The following DAPK2 variants were observed in gnomAD, a reference collection of about 807,000 sequenced individuals.
DAPK2 encodes death associated protein kinase 2.
DAPK2 carries 35 observed loss-of-function variants against 44.1 expected under a neutral mutation model. The observed-to-expected ratio is 0.79, with a 90% CI of 0.61 to 1.05. DAPK2 has a LOEUF of 1.05. DAPK2 is among the 50% of genes least tolerant of loss of function. The pLI is 0.00. For synonymous variants in DAPK2, 174 were observed against 182.6 expected (o/e 0.95, Z 0.38); for missense variants, 453 against 483.2 (o/e 0.94, Z 0.59).
intron 3 of DAPK2, chr15:63,942,226 A>G: frequency 1.0e-6 from 1 of 985,388 alleles, no homozygotes; most frequent in South Asian, 4.7e-5. Context: ...CACACAGTCC[A>G]GGAGAGATGG....
chr15:63,965,551 T>TC (rs1317474617), intron 3 of DAPK2, among the ~76,000 whole-genome samples: 3 of 151,968 alleles, frequency 2.0e-5, no homozygotes, highest in African/African-American at 4.8e-5. Context: ...GTGGTGAGCT[T>TC]CCCCCCCTTG....
chr15:64,045,370 T>C (rs1333604669), intron 1 of DAPK2, among the ~76,000 whole-genome samples: 1 of 152,130 alleles, frequency 6.6e-6, no homozygotes, highest in Non-Finnish European at 1.5e-5. Context: ...CACCACGGCC[T>C]CTTAGGTCAA....
chr15:64,018,231 T>C (rs186362256), intron 1 of DAPK2, among the ~76,000 whole-genome samples: 1 of 152,106 alleles, frequency 6.6e-6, no homozygotes, highest in Non-Finnish European at 1.5e-5. Context: ...CATTCTCAAA[T>C]GACGGTTTGC....
chr15:63,984,276 G>A (rs924523270), intron 1 of DAPK2, among the ~76,000 whole-genome samples: 17 of 152,192 alleles, frequency 1.1e-4, no homozygotes, highest in African/African-American at 3.4e-4. Flanking sequence ...CATGTGACTC[G>A]CCTGAGGTCA....
chr15:63,951,471 C>T (rs1376129324), intron 3 of DAPK2, among the ~76,000 whole-genome samples: 2 of 152,212 alleles, frequency 1.3e-5, no homozygotes. Context: ...ATCACCTCCA[C>T]CTACCCACAT....
chr15:64,004,460 A>G (rs536811494), intron 1 of DAPK2, among the ~76,000 whole-genome samples: 58 of 152,324 alleles, frequency 3.8e-4, no homozygotes, highest in Middle Eastern at 3.4e-3. Flanking sequence ...TTTTAAAAAA[A>G]TCCTCATCAT....
At chr15:63,959,342 T>TTA (rs996271141) in intron 3 of DAPK2, among the ~76,000 whole-genome samples, 33 of 152,188 alleles carry the variant, frequency 2.2e-4, no homozygotes, top group African/African-American at 8.0e-4. Flanking sequence ...TGAATACCCT[T>TTA]TATTTCTTTC....
At chr15:63,943,113 C>CA (rs5813266) in intron 3 of DAPK2, among the ~76,000 whole-genome samples, 143,214 of 145,280 alleles carry the variant, frequency 0.99, 70,578 homozygotes, top group East Asian at 1. Context: ...ATTCCTTTTG[C>CA]AAAAAAAAAA....
At chr15:64,008,016 G>A (rs1246071432) in intron 1 of DAPK2, among the ~76,000 whole-genome samples, 2 of 152,098 alleles carry the variant, frequency 1.3e-5, no homozygotes, top group Non-Finnish European at 2.9e-5. Flanking sequence ...AGGGCTAGTG[G>A]GTTTGGGAGA....
rs954975785 is a variant in DAPK2, at chr15:63,980,300, C to A, written c.314+3233G>T. Among the ~76,000 whole-genome samples, 4 of 152,156 alleles carry A rather than the reference C, an allele frequency of 2.6e-5. No individual in the cohort carries two copies. The highest frequency in any genetic ancestry group is 2.6e-4 in the Admixed American group (4 of 15,278). ...ACCTGCCACATCCCCGCCACCGACT[C>A]CTAGGGTTCTACAAACAGGAAGAAG... On this transcript the variant is annotated intron_variant, in intron 2 of 10. Coordinates refer to ENST00000261891, the Ensembl canonical transcript of DAPK2. This position sits in a 1 kb window ranked among gnomAD's most constrained non-coding sequence, Gnocchi z 4.3.
Position 63,990,112 on chromosome 15 carries a change from C to T in DAPK2, c.93-6358G>A, listed in dbSNP as rs2140903263. On this transcript the variant is annotated intron_variant, in intron 1 of 10. Coordinates refer to ENST00000261891, the Ensembl canonical transcript of DAPK2. This position sits in a 1 kb window ranked among gnomAD's most constrained non-coding sequence, Gnocchi z 4.3. ...TAAGCCACAGCCAACCAGACTTGTTCTGTCAACTACCAGGGCCAAGCTGCT... is the reference window on the plus strand; with the variant it reads ...TAAGCCACAGCCAACCAGACTTGTTTTGTCAACTACCAGGGCCAAGCTGCT... Among the ~76,000 whole-genome samples the T allele has an allele frequency of 6.6e-6, 1 of 152,300 alleles. No individual in the cohort carries two copies. Among genetic ancestry groups the T allele is most frequent in the Non-Finnish European group, 1.5e-5 (1 of 68,016 alleles).
upstream of DAPK2, chr15:64,040,336 T>C: frequency 8.3e-7 from 1 of 1,203,584 alleles, no homozygotes; most frequent in Non-Finnish European, 1.2e-6. Flanking sequence ...GTCTAAGGCC[T>C]AAACGTAATT....
intron 8 of DAPK2, chr15:63,922,869 C>A (rs1567203863): frequency 6.5e-7 from 1 of 1,535,944 alleles, no homozygotes; most frequent in Admixed American, 2.0e-5. Context: ...AAGCTGCCCA[C>A]CAGCTCCTGA....
At chr15:63,978,896 A>C (rs6494458) in intron 2 of DAPK2, among the ~76,000 whole-genome samples, 70,351 of 152,046 alleles carry the variant, frequency 0.46, 17,147 homozygotes, top group East Asian at 0.96. Flanking sequence ...TGCCTGCTGG[A>C]AATGCTTTTC....
chr15:64,019,039 G>C (rs910562914), intron 1 of DAPK2, among the ~76,000 whole-genome samples: 1 of 152,172 alleles, frequency 6.6e-6, no homozygotes, highest in African/African-American at 2.4e-5. Flanking sequence ...CCTGGTGTAT[G>C]GTTGGTGCTT....
At chr15:64,033,318 A>AAGGAAGGAAGGAAGGG in intron 1 of DAPK2, among the ~76,000 whole-genome samples, 1 of 142,980 alleles carries the variant, frequency 7.0e-6, no homozygotes, top group African/African-American at 2.5e-5. Context: ...GGAAGGAAGG[A>AAGGAAGGAAGGAAGGG]AGGAAGGAAA....
chr15:63,943,089 T>G (rs2077355951), intron 3 of DAPK2, among the ~76,000 whole-genome samples: 1 of 141,822 alleles, frequency 7.1e-6, no homozygotes. Context: ...CTACCTCACA[T>G]GGTGGGTGTT....
Position 63,937,677 on chromosome 15 carries a change from A to G in DAPK2, c.583+1555T>C, listed in dbSNP as rs1044578806. Reference sequence around the variant, plus strand: ...TCCCATTGACTTTGCCAGAGTGGGTATCTCATATGAACAGTCTTTTCAGAA... The same window carrying G: ...TCCCATTGACTTTGCCAGAGTGGGTGTCTCATATGAACAGTCTTTTCAGAA... On this transcript the variant is annotated intron_variant, in intron 4 of 10. Transcript: ENST00000261891. Among the ~76,000 whole-genome samples the G allele has an allele frequency of 9.2e-5, 14 of 152,260 alleles. No individual in the cohort carries two copies. In the East Asian group the frequency reaches 2.7e-3, roughly 29 times the overall value.
rs774133310 is a variant in DAPK2, at chr15:63,923,653, C to T, written c.858+1163G>A. On this transcript the variant is annotated intron_variant, in intron 8 of 10. Coordinates refer to ENST00000261891, the Ensembl canonical transcript of DAPK2. This position sits in a 1 kb window ranked among gnomAD's most constrained non-coding sequence, Gnocchi z 4.2. ...GCAGCCAGGACTCCGCAGGCATCTGCGCAGGGCTGGAGCACGCAAGGCCAG... is the reference window on the plus strand; with the variant it reads ...GCAGCCAGGACTCCGCAGGCATCTGTGCAGGGCTGGAGCACGCAAGGCCAG... Among the ~76,000 whole-genome samples the T allele has an allele frequency of 4.6e-5, 7 of 152,248 alleles. No homozygotes were observed. Among genetic ancestry groups the T allele is most frequent in the South Asian group, 2.1e-4 (1 of 4,834 alleles).
Sources: allele counts gnomAD v4.1 joint callset (sites outside exome capture counted in the v4.1 genomes callset), GRCh38; gene constraint gnomAD v4.1.1; non-coding constraint Gnocchi (gnomAD v3.1); transcripts MANE v1.5; gene names NCBI Gene and HGNC (gene_info 2026-07-23, HGNC 2026-07-21).